ARHGAP31: variants seen among roughly 807,000 people sequenced by gnomAD.
ARHGAP31 encodes the protein Rho GTPase activating protein 31.
Under a neutral mutation model 113.9 loss-of-function variants are expected in ARHGAP31, and 34 were observed. The ratio of observed to expected loss-of-function variants is 0.30; its 90% confidence interval spans 0.23 to 0.40. The LOEUF (loss-of-function observed/expected upper bound fraction) is 0.40, where lower values mean the gene tolerates loss of function less well. Ranked by LOEUF, ARHGAP31 falls within the 10% of genes least tolerant of loss-of-function variation. The pLI is 1.00. For synonymous variants in ARHGAP31, 650 were observed against 684.8 expected (o/e 0.95, Z 0.79); for missense variants, 1,548 against 1,767.1 (o/e 0.88, Z 2.22).
In ARHGAP31 at chr3:119,416,183, A is replaced by G. The variant is rs768715854; in HGVS notation, c.4254A>G (p.Leu1418=). The stretch of plus-strand genomic sequence containing the variant: ...CCATCCCTAAGAATGGCCAGAGACT[A>G]GAGACCTCAACCAGCTGTTTTTACC... The part of the protein sequence containing the change: ...KMTIPKNGQR[L]ETSTSCFYQP... The change falls in exon 12 of 12, where the codon CTA becomes CTG. Residue 1418 remains leucine, a synonymous_variant. Coordinates refer to ENST00000264245, the MANE Select transcript of ARHGAP31 (RefSeq NM_020754.4). The G allele has an allele frequency of 4.3e-6, 7 of 1,614,218 alleles. No homozygotes were observed. The highest frequency in any genetic ancestry group is 1.3e-5 in the African/African-American group (1 of 75,062).
At chr3:119,368,283 G>GCT in intron 2 of ARHGAP31, 89 bp from the exon 3 acceptor site, 1 of 1,519,406 alleles carries the variant, frequency 6.6e-7, no homozygotes, top group Non-Finnish European at 9.1e-7. Context: ...CAGCAGTTTA[G>GCT]GGTCTTTTTA....
At chr3:119,334,876 A>G (rs2079929308) in intron 1 of ARHGAP31, among the ~76,000 whole-genome samples, 1 of 152,224 alleles carries the variant, frequency 6.6e-6, no homozygotes, top group African/African-American at 2.4e-5. Context: ...GGTCACATCA[A>G]TTAAGTGGTA....
At chr3:119,355,653 A>G (rs1201368517) in intron 1 of ARHGAP31, among the ~76,000 whole-genome samples, 1 of 151,968 alleles carries the variant, frequency 6.6e-6, no homozygotes, top group East Asian at 1.9e-4. Context: ...ATCTCACGAC[A>G]GGCCCCGGTG....
intron 1 of ARHGAP31, among the ~76,000 whole-genome samples, chr3:119,337,802 G>A (rs970706035): frequency 6.6e-6 from 1 of 152,040 alleles, no homozygotes; most frequent in Non-Finnish European, 1.5e-5. Context: ...AGCACTGATT[G>A]GTGTGTTTAC....
chr3:119,306,485 A>T (rs2079631619), intron 1 of ARHGAP31, among the ~76,000 whole-genome samples: 1 of 152,158 alleles, frequency 6.6e-6, no homozygotes, highest in East Asian at 1.9e-4. Context: ...TGAACCTGGG[A>T]GGTGGAAGTT....
chr3:119,358,083 C>A (rs940867309), intron 1 of ARHGAP31, among the ~76,000 whole-genome samples: 1 of 152,062 alleles, frequency 6.6e-6, no homozygotes. Flanking sequence ...GTGAAAAGAC[C>A]ACCCACAGCA....
chr3:119,343,138 A>G (rs916060220), intron 1 of ARHGAP31, among the ~76,000 whole-genome samples: 2 of 152,210 alleles, frequency 1.3e-5, no homozygotes, highest in African/African-American at 4.8e-5. Context: ...AGACCTTAGA[A>G]TGACACATTC....
intron 1 of ARHGAP31, among the ~76,000 whole-genome samples, chr3:119,318,058 T>C (rs968846027): frequency 2.6e-5 from 4 of 151,728 alleles, no homozygotes; most frequent in Non-Finnish European, 5.9e-5. Flanking sequence ...TATTTAATTT[T>C]GGAGCACCAC....
chr3:119,326,013 A>C (rs2079840055), intron 1 of ARHGAP31, among the ~76,000 whole-genome samples: 1 of 152,114 alleles, frequency 6.6e-6, no homozygotes, highest in Non-Finnish European at 1.5e-5. Context: ...CAACATGGTG[A>C]AACCCGGTCT....
intron 6 of ARHGAP31, among the ~76,000 whole-genome samples, chr3:119,388,307 T>TACACACACA (rs59845208): frequency 7.5e-6 from 1 of 132,804 alleles, no homozygotes; most frequent in African/African-American, 2.7e-5. Context: ...ATGTATAATT[T>TACACACACA]TTATATATAT....
chr3:119,304,411 G>A (rs950483719), intron 1 of ARHGAP31, among the ~76,000 whole-genome samples: 2 of 152,162 alleles, frequency 1.3e-5, no homozygotes, highest in African/African-American at 4.8e-5. Flanking sequence ...ATCTGACCGA[G>A]TTATGACAGC....
intron 1 of ARHGAP31, among the ~76,000 whole-genome samples, chr3:119,349,558 G>T (rs114721355): frequency 7.2e-5 from 11 of 152,122 alleles, no homozygotes; most frequent in African/African-American, 2.7e-4. Context: ...TGGGGGAGGG[G>T]TCACGAAGAA....
chr3:119,307,506 T>TTC (rs1373843574), intron 1 of ARHGAP31, among the ~76,000 whole-genome samples: 1 of 152,194 alleles, frequency 6.6e-6, no homozygotes, highest in African/African-American at 2.4e-5. Context: ...CTCTAAGAAA[T>TTC]TCTCTTGTAT....
chr3:119,402,240 C>T lies in ARHGAP31; in HGVS notation c.1488C>T (p.Leu496=). ...AGCCCTTTGCGGTATCTGTGCCGCT[C>T]CGCGTGTCCGCAGTCATCAGCACCA... The part of the protein sequence containing the change: ...ISEPFAVSVP[L]RVSAVISTNS... The change falls in exon 10 of 12, where the codon CTC becomes CTT. Residue 496 remains leucine (L), a synonymous_variant. Transcript: ENST00000264245. 1 of 1,614,254 alleles carries T rather than the reference C, an allele frequency of 6.2e-7. No individual in the cohort carries two copies. Among genetic ancestry groups the T allele is most frequent in the Non-Finnish European group, 8.5e-7 (1 of 1,180,040 alleles).
intron 10 of ARHGAP31, among the ~76,000 whole-genome samples, chr3:119,408,890 C>G (rs1008940768): frequency 5.3e-5 from 8 of 152,108 alleles, no homozygotes; most frequent in Admixed American, 6.5e-5. Context: ...CAGGAGATAA[C>G]CCCTGGGAAG....
chr3:119,392,029 G>C (rs1237511651), intron 7 of ARHGAP31, among the ~76,000 whole-genome samples: 6 of 152,028 alleles, frequency 3.9e-5, no homozygotes, highest in African/African-American at 1.4e-4. Flanking sequence ...ACCACATCTC[G>C]GGTGCACCAT....
intron 1 of ARHGAP31, among the ~76,000 whole-genome samples, chr3:119,336,836 G>A (rs1015321943): frequency 6.6e-6 from 1 of 151,968 alleles, no homozygotes; most frequent in Non-Finnish European, 1.5e-5. Context: ...TACTCTCCCG[G>A]CCCTAAGAAA....
intron 1 of ARHGAP31, among the ~76,000 whole-genome samples, chr3:119,361,338 G>A (rs2107620888): frequency 6.6e-6 from 1 of 150,862 alleles, no homozygotes; most frequent in African/African-American, 2.4e-5. Flanking sequence ...AGGTATGTGA[G>A]AAGCCCTGGT....
chr3:119,347,762 C>T (rs1197941704), intron 1 of ARHGAP31, among the ~76,000 whole-genome samples: 3 of 152,160 alleles, frequency 2.0e-5, no homozygotes, highest in Non-Finnish European at 4.4e-5. Flanking sequence ...TGAAAGCTCA[C>T]TATCCCTGGG....
Sources: allele counts gnomAD v4.1 joint callset (sites outside exome capture counted in the v4.1 genomes callset), GRCh38; gene constraint gnomAD v4.1.1; transcripts MANE v1.5; gene names NCBI Gene and HGNC (gene_info 2026-07-23, HGNC 2026-07-21).